The following SUPT3H variants were observed in gnomAD, a reference collection of about 807,000 sequenced individuals.
SUPT3H encodes the protein transcription initiation protein SPT3 homolog.
Under a neutral mutation model 44.3 loss-of-function variants are expected in SUPT3H, and 44 were observed. That is an observed-to-expected ratio of 0.99 (90% CI 0.78 to 1.28). The LOEUF (loss-of-function observed/expected upper bound fraction) is 1.28. Among genes scored for constraint, SUPT3H ranks in the 50% most tolerant of loss-of-function variants. SUPT3H has a pLI of 0.00. For synonymous variants in SUPT3H, 124 were observed against 125.6 expected (o/e 0.99, Z 0.09); for missense variants, 380 against 387.1 (o/e 0.98, Z 0.15).
At chr6:45,222,363 A>C (rs1049795743) in intron 2 of SUPT3H, among the ~76,000 whole-genome samples, 10 of 152,152 alleles carry the variant, frequency 6.6e-5, no homozygotes, top group Non-Finnish European at 1.5e-4. Flanking sequence ...CAAACAATCC[A>C]ATTAGAAAAT....
At chr6:44,942,368 G>A (rs1772588719) in intron 9 of SUPT3H, among the ~76,000 whole-genome samples, 1 of 152,106 alleles carries the variant, frequency 6.6e-6, no homozygotes, top group African/African-American at 2.4e-5. Flanking sequence ...ACGGTAGTAT[G>A]TACTTTTAGA....
intron 2 of SUPT3H, among the ~76,000 whole-genome samples, chr6:45,295,939 A>ATG (rs1781117756): frequency 2.0e-5 from 3 of 152,130 alleles, no homozygotes; most frequent in African/African-American, 7.2e-5. Context: ...AAGAACTAAA[A>ATG]GTAGAACTAC....
At chr6:45,304,441 T>G (rs1006879714) in intron 2 of SUPT3H, among the ~76,000 whole-genome samples, 1 of 152,196 alleles carries the variant, frequency 6.6e-6, no homozygotes, top group Non-Finnish European at 1.5e-5. Flanking sequence ...TGTAATAAAT[T>G]TTTCCACTAT....
intron 2 of SUPT3H, among the ~76,000 whole-genome samples, chr6:45,191,989 A>G (rs1815218510): frequency 6.6e-6 from 1 of 152,124 alleles, no homozygotes; most frequent in Non-Finnish European, 1.5e-5. Context: ...GTCTCCTCAT[A>G]TTCACTTACT....
intron 3 of SUPT3H, among the ~76,000 whole-genome samples, chr6:45,042,174 G>A (rs976943628): frequency 2.0e-5 from 3 of 152,140 alleles, no homozygotes; most frequent in African/African-American, 4.8e-5. Context: ...TATAATCCCA[G>A]CACTTTGGGA....
intron 3 of SUPT3H, among the ~76,000 whole-genome samples, chr6:45,043,809 T>C (rs1304574945): frequency 6.6e-6 from 1 of 152,188 alleles, no homozygotes; most frequent in Non-Finnish European, 1.5e-5. Context: ...ATTTCAAATT[T>C]ATAATTGTTG....
chr6:45,175,249 C>A (rs181107323), intron 2 of SUPT3H, among the ~76,000 whole-genome samples: 1 of 152,050 alleles, frequency 6.6e-6, no homozygotes. Context: ...CGTTCTCACA[C>A]TGCTACAAAA....
At chr6:45,139,325 G>C (rs1239332773) in intron 2 of SUPT3H, among the ~76,000 whole-genome samples, 2 of 152,130 alleles carry the variant, frequency 1.3e-5, no homozygotes, top group African/African-American at 4.8e-5. Flanking sequence ...TGACGCATCA[G>C]GTCACATTCT....
At chr6:45,159,473 T>G (rs1194211547) in intron 2 of SUPT3H, 1 of 152,172 alleles carries the variant, frequency 6.6e-6, no homozygotes, top group Non-Finnish European at 1.5e-5. Context: ...CAGGTTGTCA[T>G]CCTTGGATCT....
At chr6:45,218,690 C>T (rs924236674) in intron 2 of SUPT3H, among the ~76,000 whole-genome samples, 10 of 152,280 alleles carry the variant, frequency 6.6e-5, no homozygotes, top group South Asian at 4.1e-4. Context: ...GCTGAGATCA[C>T]GCCATTGCAT....
chr6:45,114,994 A>G (rs569180480), intron 2 of SUPT3H, among the ~76,000 whole-genome samples: 61 of 152,180 alleles, frequency 4.0e-4, no homozygotes, highest in Non-Finnish European at 6.6e-4. Context: ...TTAAGCCTCC[A>G]AAACATTTAA....
intron 3 of SUPT3H, chr6:45,099,080 TGTG>T (rs2153567337): frequency 2.7e-6 from 1 of 372,272 alleles, no homozygotes; most frequent in East Asian, 7.8e-5. Context: ...GTCCTCCAGC[TGTG>T]GTGAACATTG....
intron 3 of SUPT3H, among the ~76,000 whole-genome samples, chr6:45,050,878 ATTT>A (rs35575281): frequency 2.3e-5 from 2 of 86,160 alleles, no homozygotes; most frequent in Admixed American, 1.7e-4. Context: ...AGGGTATGGG[ATTT>A]TTTTTTTTTT....
chr6:45,131,952 C>T (rs775669154), intron 2 of SUPT3H, among the ~76,000 whole-genome samples: 1 of 152,124 alleles, frequency 6.6e-6, no homozygotes, highest in Non-Finnish European at 1.5e-5. Flanking sequence ...CCTAAACATA[C>T]ATTGTTTTTC....
chr6:45,284,516 C>T lies in SUPT3H; in HGVS notation c.101+80685G>A, dbSNP rs372738884. Reference sequence around the variant, plus strand: ...TAGAAGAAATGGATAAATTCCTTAACACATACACCCTCCCAAGACTAAACG... The same window carrying T: ...TAGAAGAAATGGATAAATTCCTTAATACATACACCCTCCCAAGACTAAACG... On this transcript the variant is annotated intron_variant, in intron 2 of 10. Coordinates refer to ENST00000371459, the MANE Select transcript of SUPT3H (RefSeq NM_003599.4). Among the ~76,000 whole-genome samples, 35 of 152,288 alleles carry T rather than the reference C, an allele frequency of 2.3e-4. No individual in the cohort carries two copies. In the East Asian group the frequency reaches 5.8e-3, roughly 25 times the overall value.
intron 6 of SUPT3H, among the ~76,000 whole-genome samples, chr6:44,965,733 C>G (rs889826547): frequency 6.6e-6 from 1 of 152,110 alleles, no homozygotes; most frequent in Non-Finnish European, 1.5e-5. Context: ...GCCATATGAT[C>G]CAAATAATTC....
chr6:44,868,190 G>C (rs1295965076), intron 10 of SUPT3H, among the ~76,000 whole-genome samples: 1 of 152,164 alleles, frequency 6.6e-6, no homozygotes, highest in Non-Finnish European at 1.5e-5. Context: ...GGTTCTGTGA[G>C]TGCCCCCATA....
intron 3 of SUPT3H, 32 bp from the exon 4 acceptor site, chr6:45,020,664 C>G: frequency 6.5e-7 from 1 of 1,531,422 alleles, no homozygotes; most frequent in Middle Eastern, 1.8e-4. Context: ...AAATTTTTCT[C>G]AGTAACACAA....
At chr6:45,271,853 G>T (rs1306647219) in intron 2 of SUPT3H, among the ~76,000 whole-genome samples, 3 of 152,158 alleles carry the variant, frequency 2.0e-5, no homozygotes, top group African/African-American at 4.8e-5. Context: ...GAGGGGCAAA[G>T]CTGCCCAAGA....
Sources: gnomAD v4.1 joint callset for allele counts (sites outside exome capture counted in the v4.1 genomes callset) on GRCh38, gnomAD v4.1.1 for gene constraint, MANE v1.5 for transcripts, NCBI Gene and HGNC (gene_info 2026-07-23, HGNC 2026-07-21) for gene names.